The following PIGB variants were observed in gnomAD, a reference collection of about 807,000 sequenced individuals.
PIGB encodes GPI alpha-1,2-mannosyltransferase 3.
In PIGB, 58 loss-of-function variants were observed where a neutral mutation model predicts 68.4. That is an observed-to-expected ratio of 0.85 (90% CI 0.69 to 1.06). The LOEUF is 1.06. Ranked by LOEUF, PIGB falls within the 50% of genes least tolerant of loss-of-function variation. The probability of loss-of-function intolerance (pLI) is 0.00; values close to 1 mark genes in which losing one functional copy is unlikely to be tolerated. For synonymous variants in PIGB, 219 were observed against 220.5 expected, an observed-to-expected ratio of 0.99 and a Z score of 0.06; for missense variants, 634 against 655.8, an observed-to-expected ratio of 0.97 and a Z score of 0.36.
intron 9 of PIGB, among the ~76,000 whole-genome samples, chr15:55,346,120 A>G (rs1279271943): frequency 2.0e-5 from 3 of 152,238 alleles, no homozygotes; most frequent in Non-Finnish European, 4.4e-5. Context: ...CGTATTAGTG[A>G]TTGCTGGAAA....
intron 10 of PIGB, chr15:55,351,892 A>C (rs2055932480): frequency 6.6e-6 from 1 of 150,474 alleles, no homozygotes; most frequent in Non-Finnish European, 1.5e-5. Context: ...AAAAAAAAAA[A>C]ACATGGATTT....
At chr15:55,335,401 G>C (rs1476404513) in intron 6 of PIGB, among the ~76,000 whole-genome samples, 3 of 152,148 alleles carry the variant, frequency 2.0e-5, no homozygotes, top group African/African-American at 7.2e-5. Flanking sequence ...ATTCATTCAG[G>C]AATTATTTAA....
intron 10 of PIGB, among the ~76,000 whole-genome samples, chr15:55,354,011 C>A (rs893215137): frequency 3.5e-5 from 4 of 112,992 alleles, no homozygotes; most frequent in African/African-American, 2.2e-4. Flanking sequence ...AAAAAAAAAA[C>A]ACTTCAAACT....
At chr15:55,346,357 G>T (rs560795919) in intron 9 of PIGB, 19 of 152,242 alleles carry the variant, frequency 1.2e-4, no homozygotes, top group African/African-American at 4.6e-4. Flanking sequence ...TAGGAGCCCA[G>T]TGTATTTTTT....
In PIGB at chr15:55,345,954, G is replaced by C. The variant is rs141305141; in HGVS notation, c.1123+4152G>C. Among the ~76,000 whole-genome samples, 316 of 152,142 alleles carry C rather than the reference G, an allele frequency of 2.1e-3. 1 individual carries two copies. The highest frequency in any genetic ancestry group is 7.3e-3 in the African/African-American group (304 of 41,482). ...ATTTAAAAATAGAAACAGTAACTCA[G>C]ATATCTCTCTAATTGGTAAAATGTG... On this transcript the variant is annotated intron_variant, in intron 9 of 11. Transcript: ENST00000164305.
chr15:55,355,172 T>G, intron 11 of PIGB, 114 bp from the exon 12 acceptor site: 1 of 972,320 alleles, frequency 1.0e-6, no homozygotes, highest in African/African-American at 1.7e-5. Flanking sequence ...AAGTTAATTC[T>G]TTTATTAAGC....
At chr15:55,319,639 C>T (rs2055117682) in intron 1 of PIGB, 1 of 423,138 alleles carries the variant, frequency 2.4e-6, no homozygotes, top group South Asian at 3.5e-5. Flanking sequence ...GACAGGCTGT[C>T]CATTTGTGGT....
At chr15:55,336,955 A>G (rs2055551014) in intron 6 of PIGB, among the ~76,000 whole-genome samples, 1 of 152,240 alleles carries the variant, frequency 6.6e-6, no homozygotes, top group African/African-American at 2.4e-5. Flanking sequence ...GCACCACTGC[A>G]CTCCAGCCTG....
chr15:55,320,437 C>G (rs768662286), intron 2 of PIGB, 27 bp downstream of exon 2: 1 of 1,604,532 alleles, frequency 6.2e-7, no homozygotes, highest in Non-Finnish European at 8.5e-7. Context: ...CTTTTCCAGA[C>G]TATGAGTGTG....
At position 55,355,283 on chromosome 15, in the gene PIGB, T is replaced by A; in HGVS notation, c.1519-3T>A. The A allele has an allele frequency of 6.2e-7, 1 of 1,600,458 alleles. No individual in the cohort carries two copies. The highest frequency in any genetic ancestry group is 8.5e-7 in the Non-Finnish European group (1 of 1,172,486). On this transcript the variant is annotated splice_region_variant and splice_polypyrimidine_tract_variant and intron_variant, in intron 11 of 11. Coordinates refer to ENST00000164305, the MANE Select transcript of PIGB (RefSeq NM_004855.5). ...ATTTACTTAAACATTTATTTGCTTC[T>A]AGGAAATAAGCGCTTTCCTAATTTC...
At chr15:55,342,121 C>A (rs185556138) in intron 9 of PIGB, among the ~76,000 whole-genome samples, 3 of 152,154 alleles carry the variant, frequency 2.0e-5, no homozygotes, top group African/African-American at 7.2e-5. Flanking sequence ...AAGTCCTTCT[C>A]TCAAAAAACA....
rs1270316372 is a variant in PIGB, at chr15:55,355,323, G to A, written c.1556G>A (p.Arg519Lys). ...SAFLISSNYKRTAVFFHTHLP... is the reference protein window; with the variant it reads ...SAFLISSNYKKTAVFFHTHLP... ...TTCCTAATTTCAAGCAATTATAAAAGAACTGCTGTTTTCTTCCACACTCAC... is the reference window on the plus strand; with the variant it reads ...TTCCTAATTTCAAGCAATTATAAAAAAACTGCTGTTTTCTTCCACACTCAC... Residue 519 changes from arginine (R) to lysine (K), a missense_variant, in exon 12 of 12, where the codon AGA becomes AAA. Transcript: ENST00000164305. The A allele has an allele frequency of 1.2e-6, 2 of 1,610,766 alleles. No individual in the cohort carries two copies. Among genetic ancestry groups the A allele is most frequent in the Non-Finnish European group, 8.5e-7 (1 of 1,177,478 alleles).
At chr15:55,355,100 A>AG (rs2056045449) in intron 11 of PIGB, 122 bp downstream of exon 11, 3 of 946,304 alleles carry the variant, frequency 3.2e-6, no homozygotes, top group Non-Finnish European at 3.2e-6. Flanking sequence ...TTTCATAATT[A>AG]GTCTTTTCTC....
At chr15:55,321,975 G>C (rs2055179154) in intron 3 of PIGB, among the ~76,000 whole-genome samples, 1 of 141,624 alleles carries the variant, frequency 7.1e-6, no homozygotes, top group South Asian at 2.6e-4. Context: ...GGGAGTTCGA[G>C]ACCAGCCTGA....
chr15:55,351,411 A>G (rs2055919601), intron 10 of PIGB, among the ~76,000 whole-genome samples: 2 of 151,916 alleles, frequency 1.3e-5, no homozygotes, highest in Admixed American at 1.3e-4. Context: ...TCGGCCGTAA[A>G]CTTTATTATT....
At chr15:55,321,523 A>T in intron 3 of PIGB, 133 bp downstream of exon 3, 1 of 618,972 alleles carries the variant, frequency 1.6e-6, no homozygotes. Context: ...GTAACTCTTT[A>T]GTTTGTGCTG....
chr15:55,334,048 A>G (rs533810277), intron 6 of PIGB, 41 bp downstream of exon 6: 2 of 1,429,922 alleles, frequency 1.4e-6, no homozygotes, highest in Non-Finnish European at 1.9e-6. Context: ...TTAGTAGCCT[A>G]CAAATCACAG....
intron 4 of PIGB, among the ~76,000 whole-genome samples, chr15:55,328,890 C>G (rs1340766267): frequency 6.6e-6 from 1 of 152,130 alleles, no homozygotes; most frequent in Non-Finnish European, 1.5e-5. Context: ...TGCTTGAACC[C>G]AGGAGGCAGA....
Position 55,334,018 on chromosome 15 carries a change from C to T in PIGB, c.794+11C>T. ...TTTTTTACCTGTAGGGTAAGTGTGGCAATAATCCATCCATTTATTTTAGTA... is the reference window on the plus strand; with the variant it reads ...TTTTTTACCTGTAGGGTAAGTGTGGTAATAATCCATCCATTTATTTTAGTA... On this transcript the variant is annotated intron_variant, in intron 6 of 11. Coordinates refer to ENST00000164305, the MANE Select transcript of PIGB (RefSeq NM_004855.5). 6.5e-7 allele frequency: 1 copy of T among 1,547,416 alleles called. No individual in the cohort carries two copies. Among genetic ancestry groups the T allele is most frequent in the African/African-American group, 1.4e-5 (1 of 72,270 alleles).
Sources: gnomAD v4.1 joint callset for allele counts (sites outside exome capture counted in the v4.1 genomes callset) on GRCh38, gnomAD v4.1.1 for gene constraint, MANE v1.5 for transcripts, NCBI Gene and HGNC (gene_info 2026-07-23, HGNC 2026-07-21) for gene names.